CNTN6: variants seen among roughly 807,000 people sequenced by gnomAD.
CNTN6 encodes contactin 6.
A neutral mutation model predicts 122.8 loss-of-function variants in CNTN6; 137 were observed. That is an observed-to-expected ratio of 1.12 (90% CI 0.97 to 1.29). The LOEUF (loss-of-function observed/expected upper bound fraction) is 1.29, where lower values mean the gene tolerates loss of function less well. Among genes scored for constraint, CNTN6 ranks in the 50% most tolerant of loss-of-function variants. CNTN6 has a pLI of 0.00. For synonymous variants in CNTN6, 570 were observed against 426.0 expected, an observed-to-expected ratio of 1.34 and a Z score of -4.16; for missense variants, 1,634 against 1,223.4, an observed-to-expected ratio of 1.34 and a Z score of -5.01.
intron 11 of CNTN6, among the ~76,000 whole-genome samples, chr3:1,345,817 A>G (rs1009011572): frequency 6.6e-6 from 1 of 152,094 alleles, no homozygotes; most frequent in African/African-American, 2.4e-5. Context: ...TCAATTTTAC[A>G]TTTTCCAAAT....
chr3:1,313,662 A>G (rs1442514752), intron 7 of CNTN6, among the ~76,000 whole-genome samples: 1 of 152,048 alleles, frequency 6.6e-6, no homozygotes, highest in Non-Finnish European at 1.5e-5. Flanking sequence ...CTTTTCAAAG[A>G]TGTCCTCCCC....
chr3:1,189,908 A>AAATT (rs1298276139), intron 2 of CNTN6, among the ~76,000 whole-genome samples: 2 of 152,200 alleles, frequency 1.3e-5, no homozygotes, highest in Admixed American at 6.5e-5. Flanking sequence ...GCATATCACA[A>AAATT]AATTAGTAGC....
intron 2 of CNTN6, among the ~76,000 whole-genome samples, chr3:1,157,794 G>A (rs1009330921): frequency 1.3e-5 from 2 of 152,114 alleles, no homozygotes. Context: ...ATGACCTCCA[G>A]TTCCATCCAT....
At chr3:1,136,022 G>C (rs1228788766) in intron 1 of CNTN6, among the ~76,000 whole-genome samples, 1 of 152,100 alleles carries the variant, frequency 6.6e-6, no homozygotes, top group Non-Finnish European at 1.5e-5. Flanking sequence ...ATCGTGTGTG[G>C]TTAGAGAGTC....
chr3:1,362,553 CAGAA>C lies in CNTN6; in HGVS notation c.1493-9742_1493-9739del, dbSNP rs575487048. The stretch of plus-strand genomic sequence containing the variant: ...TGATTTAACACAAGGATAGCTATAA[CAGAA>C]AGAGGATTAGTAAAGGGGAGGATGC... On this transcript the variant is annotated intron_variant, in intron 12 of 22. Transcript: ENST00000446702. Among the ~76,000 whole-genome samples, 27 of 151,840 alleles carry C rather than the reference CAGAA, an allele frequency of 1.8e-4. No individual in the cohort carries two copies. The South Asian group carries it at 5.4e-3, about 30-fold the overall frequency.
chr3:1,111,479 G>T (rs956951003), intron 1 of CNTN6, among the ~76,000 whole-genome samples: 6 of 152,158 alleles, frequency 3.9e-5, no homozygotes, highest in Admixed American at 2.0e-4. Context: ...ACAGTTGTTA[G>T]ATTGTAGAGT....
rs146995017 is a variant in CNTN6, at chr3:1,110,767, G to T, written c.-83+17647G>T. 8.2e-3 allele frequency among the ~76,000 whole-genome samples: 1,249 copies of T among 152,224 alleles called. 9 individuals carry two copies. The highest frequency in any genetic ancestry group is 0.014 in the Non-Finnish European group (929 of 67,982). On this transcript the variant is annotated intron_variant, in intron 1 of 22. Coordinates refer to ENST00000446702, the MANE Select transcript of CNTN6 (RefSeq NM_001289080.2). ...GAAGCTAGAACGATGTGCAGTTGAA[G>T]TCCTCCCAGGTCCTGATTCAAATCT...
intron 8 of CNTN6, 150 bp from the exon 9 acceptor site, chr3:1,325,665 C>A (rs140447082): frequency 3.8e-5 from 24 of 629,514 alleles, no homozygotes; most frequent in Middle Eastern, 5.8e-4. Context: ...CATTGAAGCT[C>A]CTGCATGTCC....
At chr3:1,107,694 A>G (rs191469460) in intron 1 of CNTN6, among the ~76,000 whole-genome samples, 4 of 152,114 alleles carry the variant, frequency 2.6e-5, no homozygotes, top group African/African-American at 7.2e-5. Flanking sequence ...TCTCCTTTCA[A>G]TTGCCTTTCA....
At position 1,338,215 on chromosome 3, in the gene CNTN6, ACTGTGT is replaced by A. The variant is rs1455131950; in HGVS notation, c.1364+8283_1364+8288del. On this transcript the variant is annotated intron_variant, in intron 11 of 22. Coordinates refer to ENST00000446702, the MANE Select transcript of CNTN6 (RefSeq NM_001289080.2). ...TAAATAGCATCTTATAAATTATTAA[ACTGTGT>A]CTTACAACAGAAAATGGGTAGGCTT... Among the ~76,000 whole-genome samples, 13 of 152,246 alleles carry A rather than the reference ACTGTGT, an allele frequency of 8.5e-5. No individual in the cohort carries two copies. The East Asian group carries it at 2.3e-3, about 27-fold the overall frequency.
At chr3:1,299,585 G>A (rs940740418) in intron 7 of CNTN6, among the ~76,000 whole-genome samples, 5 of 152,084 alleles carry the variant, frequency 3.3e-5, no homozygotes, top group African/African-American at 4.8e-5. Flanking sequence ...GGCAAGTTAC[G>A]TTTTCATTAC....
chr3:1,149,931 C>T (rs1439621616), intron 2 of CNTN6, among the ~76,000 whole-genome samples: 1 of 152,112 alleles, frequency 6.6e-6, no homozygotes, highest in Non-Finnish European at 1.5e-5. Flanking sequence ...AATACTCCAG[C>T]TCTTATATTA....
At chr3:1,371,607 G>T (rs1709024750) in intron 12 of CNTN6, among the ~76,000 whole-genome samples, 1 of 151,996 alleles carries the variant, frequency 6.6e-6, no homozygotes, top group South Asian at 2.1e-4. Context: ...GGCACACCCT[G>T]GGATTGTCCT....
intron 2 of CNTN6, among the ~76,000 whole-genome samples, chr3:1,168,458 G>A (rs1033423495): frequency 6.7e-6 from 1 of 150,250 alleles, no homozygotes; most frequent in Non-Finnish European, 1.5e-5. Flanking sequence ...AAGGGACCAG[G>A]AAGCTGGGAC....
intron 4 of CNTN6, among the ~76,000 whole-genome samples, chr3:1,233,484 C>T (rs1023928905): frequency 1.4e-4 from 22 of 151,852 alleles, no homozygotes; most frequent in African/African-American, 5.1e-4. Context: ...GCCTGTAATC[C>T]CAGCACTTTG....
chr3:1,373,188 C>T (rs78412874), intron 14 of CNTN6, among the ~76,000 whole-genome samples: 8,490 of 152,160 alleles, frequency 0.056, 761 homozygotes, highest in African/African-American at 0.19. Flanking sequence ...TGAACGGTCA[C>T]GCTTGGCAAG....
rs531513400 is a variant in CNTN6, at chr3:1,292,754, C to CA, written c.455-2841dup. On this transcript the variant is annotated intron_variant, in intron 5 of 22. Transcript: ENST00000446702. ...CTGTTGATTCTTTCTTCCATTTACA[C>CA]AAAAAATGCATAGCAATTTAAAATT... Among the ~76,000 whole-genome samples, 508 of 152,194 alleles carry CA rather than the reference C, an allele frequency of 3.3e-3. 2 individuals carry two copies. Among genetic ancestry groups the CA allele is most frequent in the Non-Finnish European group, 5.4e-3 (365 of 67,968 alleles).
chr3:1,282,024 G>C (rs1278564579), intron 5 of CNTN6, among the ~76,000 whole-genome samples: 1 of 151,618 alleles, frequency 6.6e-6, no homozygotes, highest in African/African-American at 2.4e-5. Flanking sequence ...CTTTATAGGA[G>C]AGTAAGAAAA....
chr3:1,115,434 A>G (rs2091677280), intron 1 of CNTN6, among the ~76,000 whole-genome samples: 1 of 152,160 alleles, frequency 6.6e-6, no homozygotes, highest in Non-Finnish European at 1.5e-5. Context: ...GCCTTTTTCA[A>G]TCATAAAAGG....
Sources: allele counts gnomAD v4.1 joint callset (sites outside exome capture counted in the v4.1 genomes callset), GRCh38; gene constraint gnomAD v4.1.1; transcripts MANE v1.5; gene names NCBI Gene and HGNC (gene_info 2026-07-23, HGNC 2026-07-21).